Variants in PHACTR2 observed in about 807,000 individuals in gnomAD.
PHACTR2 encodes phosphatase and actin regulator 2.
Under a neutral mutation model 76.0 loss-of-function variants are expected in PHACTR2, and 30 were observed. The observed-to-expected ratio is 0.39, with a 90% confidence interval of 0.30 to 0.54. PHACTR2 has a LOEUF of 0.54. Ranked by LOEUF, PHACTR2 falls within the 20% of genes least tolerant of loss-of-function variation. The probability of loss-of-function intolerance (pLI) is 0.61; values close to 1 mark genes in which losing one functional copy is unlikely to be tolerated. For synonymous variants in PHACTR2, 292 were observed against 292.5 expected, an observed-to-expected ratio of 1.00 and a Z score of 0.02; for missense variants, 696 against 781.1, an observed-to-expected ratio of 0.89 and a Z score of 1.30.
rs367922011 is a variant in PHACTR2 at position 143,765,905 on chromosome 6, T to G, written c.1232+107T>G. ...TGCTTTCTTATATAATTTAATCTACTGAGTGTTAGGTAGGCATACATGTGA... is the reference window on the plus strand; with the variant it reads ...TGCTTTCTTATATAATTTAATCTACGGAGTGTTAGGTAGGCATACATGTGA... On this transcript the variant is annotated intron_variant, in intron 6 of 12. Coordinates refer to ENST00000440869, the MANE Select transcript of PHACTR2 (RefSeq NM_001100164.2). The surrounding 1 kb of genome is among the most constrained non-coding windows in gnomAD (Gnocchi z 4.1). 1 of 926,170 alleles carries G rather than the reference T, an allele frequency of 1.1e-6. No homozygotes were observed. The highest frequency in any genetic ancestry group is 1.7e-5 in the African/African-American group (1 of 60,258). The allele number at this position is 926,170 out of a possible 1,614,324, so 57.4% of individuals were successfully genotyped here. A position where few individuals can be genotyped will look rare whatever the true frequency, so the allele number is the denominator to read the frequency against.
At chr6:143,796,221 G>A (rs1383611064) in intron 11 of PHACTR2, among the ~76,000 whole-genome samples, 2 of 152,076 alleles carry the variant, frequency 1.3e-5, no homozygotes, top group Admixed American at 1.3e-4. Context: ...GCCTCCCTGT[G>A]GCATTGAACT....
At chr6:143,740,543 T>C (rs1778919455) in intron 2 of PHACTR2, among the ~76,000 whole-genome samples, 1 of 139,244 alleles carries the variant, frequency 7.2e-6, no homozygotes, top group East Asian at 2.2e-4. Context: ...AAAATGAATA[T>C]TTGTTCAAGT....
At chr6:143,728,161 T>TTTCTTTCG (rs1253114639) in intron 2 of PHACTR2, among the ~76,000 whole-genome samples, 1 of 151,934 alleles carries the variant, frequency 6.6e-6, no homozygotes, top group African/African-American at 2.4e-5. Flanking sequence ...TCTTTCATTC[T>TTTCTTTCG]TTCTTTCGTT....
chr6:143,726,427 A>G (rs959540074), intron 2 of PHACTR2, among the ~76,000 whole-genome samples: 3 of 152,120 alleles, frequency 2.0e-5, no homozygotes, highest in African/African-American at 7.2e-5. Context: ...CTATTAGCCA[A>G]CTTCCTTTTT....
chr6:143,742,801 A>G lies in PHACTR2; in HGVS notation c.215-6184A>G, dbSNP rs1778974269. On this transcript the variant is annotated intron_variant, in intron 2 of 12. Coordinates refer to ENST00000440869, the MANE Select transcript of PHACTR2 (RefSeq NM_001100164.2). The surrounding 1 kb of genome is among the most constrained non-coding windows in gnomAD (Gnocchi z 4.5). Reference sequence around the variant, plus strand: ...TTATTTTGGGCATTATGGGAATGACATGATAAACACGACATCCCTCAGAAG... The same window carrying G: ...TTATTTTGGGCATTATGGGAATGACGTGATAAACACGACATCCCTCAGAAG... Among the ~76,000 whole-genome samples, 1 of 152,242 alleles carries G rather than the reference A, an allele frequency of 6.6e-6. No individual in the cohort carries two copies. The highest frequency in any genetic ancestry group is 1.5e-5 in the Non-Finnish European group (1 of 68,044).
rs756471632 is a variant in PHACTR2 at position 143,671,540 on chromosome 6, T to G, written c.14-40476T>G. On this transcript the variant is annotated intron_variant, in intron 1 of 11. Coordinates refer to the PHACTR2 transcript ENST00000305766. The surrounding 1 kb of genome is among the most constrained non-coding windows in gnomAD (Gnocchi z 4.6). ...TCTGAATTTCATAGCACTTTTCATC[T>G]TCTAAATTGTTATAAAGTTTACTGA... 6.6e-6 allele frequency among the ~76,000 whole-genome samples: 1 copy of G among 152,230 alleles called. No homozygotes were observed. Among genetic ancestry groups the G allele is most frequent in the Non-Finnish European group, 1.5e-5 (1 of 68,048 alleles).
At chr6:143,560,780 G>A (rs1040793917) in intron 1 of PHACTR2, among the ~76,000 whole-genome samples, 4 of 152,058 alleles carry the variant, frequency 2.6e-5, no homozygotes, top group African/African-American at 9.7e-5. Flanking sequence ...TTCCAGCCAA[G>A]GGTAGCAGCT....
At chr6:143,622,925 G>A (rs901424017) in intron 1 of PHACTR2, among the ~76,000 whole-genome samples, 5 of 152,138 alleles carry the variant, frequency 3.3e-5, no homozygotes, top group Admixed American at 3.3e-4. Flanking sequence ...TATATCAAAG[G>A]CATAAGACCT....
At chr6:143,769,869 C>G (rs1423048176) in intron 6 of PHACTR2, among the ~76,000 whole-genome samples, 1 of 152,118 alleles carries the variant, frequency 6.6e-6, no homozygotes, top group African/African-American at 2.4e-5. Context: ...AAAACCCAGA[C>G]TGTGGAAAAT....
rs1032302611 is a variant in PHACTR2, at chr6:143,826,052, A to T, written c.*2363A>T. On this transcript the variant is annotated 3_prime_UTR_variant, in exon 13 of 13. Transcript: ENST00000440869. ...TTTTCTAAGTTAGAGACAAGTTTAA[A>T]AGTAAAAAAAAAAAAAAATTAGCCA... 1.3e-5 allele frequency: 2 copies of T among 150,828 alleles called. No individual in the cohort carries two copies. Among genetic ancestry groups the T allele is most frequent in the East Asian group, 3.9e-4 (2 of 5,184 alleles). The allele number at this position is 150,828 out of a possible 1,614,324, so 9.3% of individuals were successfully genotyped here.
chr6:143,705,117 G>A lies in PHACTR2; in HGVS notation c.47-6899G>A, dbSNP rs867042837. Among the ~76,000 whole-genome samples the A allele has an allele frequency of 3.4e-5, 5 of 148,954 alleles. 1 individual carries two copies. Among genetic ancestry groups the A allele is most frequent in the Admixed American group, 2.7e-4 (4 of 14,894 alleles). On this transcript the variant is annotated intron_variant, in intron 1 of 12. Coordinates refer to ENST00000440869, the MANE Select transcript of PHACTR2 (RefSeq NM_001100164.2). Reference sequence around the variant, plus strand: ...TGGGATTACAGGCGTGAGCCACCGCGCCCGGCCTTGTTTTATTTTTGAGAC... The same window carrying A: ...TGGGATTACAGGCGTGAGCCACCGCACCCGGCCTTGTTTTATTTTTGAGAC...
chr6:143,774,366 C>G lies in PHACTR2; in HGVS notation c.1589+151C>G. 1 of 535,724 alleles carries G rather than the reference C, an allele frequency of 1.9e-6. No individual in the cohort carries two copies. Among genetic ancestry groups the G allele is most frequent in the African/African-American group, 1.9e-5 (1 of 51,360 alleles). 33.2% of individuals were successfully genotyped at this position (535,724 alleles called of 1,614,324 possible). On this transcript the variant is annotated intron_variant, in intron 8 of 12. Coordinates refer to ENST00000440869, the MANE Select transcript of PHACTR2 (RefSeq NM_001100164.2). The surrounding 1 kb of genome is among the most constrained non-coding windows in gnomAD (Gnocchi z 5.4). ...AAAGTTGGTCTTGCATGATGAAACA[C>G]TCGAAGAACCTGTCCTTTGGCCCAG...
chr6:143,715,938 A>T (rs111326246), intron 2 of PHACTR2, among the ~76,000 whole-genome samples: 1 of 152,126 alleles, frequency 6.6e-6, no homozygotes, highest in East Asian at 1.9e-4. Flanking sequence ...CTATCACCTA[A>T]TGTCTCAATT....
Position 143,581,838 on chromosome 6 carries a change from C to G in PHACTR2, c.217+44631C>G, listed in dbSNP as rs1275210090. ...CAGAGTGAGAACCCTGTTCCCCTCC[C>G]CACCCCTCAAAAAGGAAAGAAAGTT... On this transcript the variant is annotated intron_variant, in intron 1 of 11. Transcript: ENST00000367584. The surrounding 1 kb of genome is among the most constrained non-coding windows in gnomAD (Gnocchi z 4.5). Among the ~76,000 whole-genome samples, 1 of 152,036 alleles carries G rather than the reference C, an allele frequency of 6.6e-6. No homozygotes were observed. Among genetic ancestry groups the G allele is most frequent in the African/African-American group, 2.4e-5 (1 of 41,388 alleles).
chr6:143,792,423 T>C (rs1308940093), intron 11 of PHACTR2, among the ~76,000 whole-genome samples: 1 of 152,122 alleles, frequency 6.6e-6, no homozygotes, highest in African/African-American at 2.4e-5. Flanking sequence ...TTCCTTTCAG[T>C]TGTGGGCTTC....
Position 143,819,905 on chromosome 6 carries a change from C to T in PHACTR2, c.1923-3769C>T, listed in dbSNP as rs1201599810. 1.3e-5 allele frequency among the ~76,000 whole-genome samples: 2 copies of T among 152,178 alleles called. No homozygotes were observed. Among genetic ancestry groups the T allele is most frequent in the Non-Finnish European group, 2.9e-5 (2 of 68,026 alleles). ...TTTATAAGAAAACAGGTTTAATTGG[C>T]TCACAGTTCTGCAGGCTGTACAGGA... On this transcript the variant is annotated intron_variant, in intron 12 of 12. Coordinates refer to ENST00000440869, the MANE Select transcript of PHACTR2 (RefSeq NM_001100164.2). This position sits in a 1 kb window ranked among gnomAD's most constrained non-coding sequence, Gnocchi z 5.0.
At chr6:143,655,481 T>C (rs1776833869) in intron 1 of PHACTR2, among the ~76,000 whole-genome samples, 1 of 152,228 alleles carries the variant, frequency 6.6e-6, no homozygotes, top group Non-Finnish European at 1.5e-5. Flanking sequence ...TGGATTATAT[T>C]TCAATAAAGA....
intron 1 of PHACTR2, among the ~76,000 whole-genome samples, chr6:143,574,824 TCTC>T (rs772477935): frequency 2.0e-5 from 3 of 152,110 alleles, no homozygotes; most frequent in African/African-American, 2.4e-5. Flanking sequence ...CAGCTGGCCT[TCTC>T]CTCCTCTCCC....
At chr6:143,594,660 T>C (rs548404515) in intron 1 of PHACTR2, among the ~76,000 whole-genome samples, 1 of 152,334 alleles carries the variant, frequency 6.6e-6, no homozygotes, top group South Asian at 2.1e-4. Context: ...TGCCCCTGAT[T>C]TGATTATGGT....
Sources: allele counts gnomAD v4.1 joint callset (sites outside exome capture counted in the v4.1 genomes callset), GRCh38; gene constraint gnomAD v4.1.1; non-coding constraint Gnocchi (gnomAD v3.1); transcripts MANE v1.5; gene names NCBI Gene and HGNC (gene_info 2026-07-23, HGNC 2026-07-21).